DACH2: variants seen among roughly 807,000 people sequenced by gnomAD.
The protein encoded by DACH2 is dachshund family transcription factor 2.
In DACH2, 17 loss-of-function variants were observed where a neutral mutation model predicts 35.8. That is an observed-to-expected ratio of 0.48 (90% CI 0.33 to 0.71). The LOEUF (loss-of-function observed/expected upper bound fraction) is 0.71, where lower values mean the gene tolerates loss of function less well. Ranked by LOEUF, DACH2 falls within the 30% of genes least tolerant of loss-of-function variation. The pLI, the probability that DACH2 is intolerant of heterozygous loss-of-function variation, is 0.02. For missense variants in DACH2, 469 were observed against 472.7 expected, an observed-to-expected ratio of 0.99 and a Z score of 0.07; for synonymous variants, 195 against 177.3, an observed-to-expected ratio of 1.10 and a Z score of -0.79.
intron 7 of DACH2, among the ~76,000 whole-genome samples, chrX:86,810,056 A>G (rs2042380776): frequency 8.9e-6 from 1 of 111,756 alleles, no homozygotes; most frequent in South Asian, 3.7e-4. Context: ...AGCTGTGTCT[A>G]TCTCTTTAAA....
intron 1 of DACH2, among the ~76,000 whole-genome samples, chrX:86,300,034 T>A (rs1016943983): frequency 1.4e-4 from 16 of 111,718 alleles, no homozygotes; most frequent in African/African-American, 4.9e-4. Flanking sequence ...TTTCTATGTG[T>A]TGGGAACATT....
chrX:86,159,415 TC>T (rs921387226), intron 1 of DACH2, among the ~76,000 whole-genome samples: 1 of 111,935 alleles, frequency 8.9e-6, no homozygotes, highest in African/African-American at 3.2e-5. Context: ...TATCCTGTAA[TC>T]TGCTAAACTT....
intron 2 of DACH2, among the ~76,000 whole-genome samples, chrX:86,445,448 T>C (rs1056529076): frequency 3.4e-4 from 32 of 94,298 alleles, no homozygotes; most frequent in Non-Finnish European, 5.8e-4. Flanking sequence ...GCATGGCACA[T>C]GTATACATAT....
At chrX:86,443,487 T>C (rs1041902685) in intron 2 of DACH2, among the ~76,000 whole-genome samples, 1 of 103,837 alleles carries the variant, frequency 9.6e-6, no homozygotes, top group African/African-American at 4.0e-5. Context: ...TAACTTCTAC[T>C]TTTCCAATTT....
At chrX:86,572,000 T>A (rs1318935732) in intron 3 of DACH2, among the ~76,000 whole-genome samples, 2 of 111,230 alleles carry the variant, frequency 1.8e-5, no homozygotes, top group Non-Finnish European at 3.8e-5. Flanking sequence ...ATCTTGTTGA[T>A]GCCTTTGTAA....
intron 1 of DACH2, among the ~76,000 whole-genome samples, chrX:86,220,930 T>C (rs1263228764): frequency 8.9e-6 from 1 of 112,106 alleles, no homozygotes; most frequent in Non-Finnish European, 1.9e-5. Flanking sequence ...AGGTGATATC[T>C]AATTGTGGTT....
intron 3 of DACH2, among the ~76,000 whole-genome samples, chrX:86,636,274 C>G (rs2040264455): frequency 9.0e-6 from 1 of 110,608 alleles, no homozygotes; most frequent in African/African-American, 3.3e-5. Context: ...TGGTGAAACC[C>G]CATCTCTACT....
At chrX:86,714,751 G>T (rs202179127) in intron 6 of DACH2, 31 bp downstream of exon 6, 6 of 1,090,256 alleles carry the variant, frequency 5.5e-6, no homozygotes, top group Non-Finnish European at 7.3e-6. Context: ...AAGGACAAAG[G>T]TGTCAATTTC....
At chrX:86,801,748 A>T (rs1232352533) in intron 7 of DACH2, among the ~76,000 whole-genome samples, 1 of 112,146 alleles carries the variant, frequency 8.9e-6, no homozygotes, top group Non-Finnish European at 1.9e-5. Context: ...AATTATCTTT[A>T]ATTTTTAATC....
chrX:86,662,882 A>G (rs1274084329), intron 4 of DACH2, among the ~76,000 whole-genome samples: 2 of 111,762 alleles, frequency 1.8e-5, no homozygotes, highest in Non-Finnish European at 3.8e-5. Flanking sequence ...AATATTATAT[A>G]CATACAGATT....
At chrX:86,290,498 A>G (rs2034260026) in intron 1 of DACH2, among the ~76,000 whole-genome samples, 1 of 93,721 alleles carries the variant, frequency 1.1e-5, no homozygotes, top group Non-Finnish European at 2.1e-5. Context: ...GTCCTTGCCC[A>G]TGCCTATGTC....
rs1209556054 is a variant in DACH2 at position 86,528,584 on chromosome X, G to T, written c.640+14193G>T. Among the ~76,000 whole-genome samples the T allele has an allele frequency of 2.7e-5, 3 of 111,860 alleles. No homozygotes were observed. The East Asian group carries it at 8.4e-4, about 31-fold the overall frequency. ...GTAAATGGATAAATAAATGGGAAGA[G>T]ATATTACCCTTAAACTGTCTGAAAT... On this transcript the variant is annotated intron_variant, in intron 3 of 11. Coordinates refer to ENST00000373125, the MANE Select transcript of DACH2 (RefSeq NM_053281.3).
intron 7 of DACH2, among the ~76,000 whole-genome samples, chrX:86,740,964 TA>T (rs1453821586): frequency 4.5e-5 from 5 of 111,508 alleles, no homozygotes; most frequent in Admixed American, 9.6e-5. Context: ...TCATTTAGTA[TA>T]TAGTAATTAC....
chrX:86,565,385 C>A (rs1230113050), intron 3 of DACH2, among the ~76,000 whole-genome samples: 1 of 111,431 alleles, frequency 9.0e-6, no homozygotes, highest in African/African-American at 3.3e-5. Context: ...GGTCCCCGGA[C>A]CATCAGCATT....
At chrX:86,805,582 C>A (rs1395676404) in intron 7 of DACH2, among the ~76,000 whole-genome samples, 2 of 110,903 alleles carry the variant, frequency 1.8e-5, no homozygotes, top group African/African-American at 6.6e-5. Flanking sequence ...CTACACATGA[C>A]CAGGCTGCAA....
chrX:86,406,207 C>T (rs2148137876), intron 2 of DACH2, among the ~76,000 whole-genome samples: 1 of 112,056 alleles, frequency 8.9e-6, no homozygotes, highest in African/African-American at 3.2e-5. Flanking sequence ...ACTATGTAGT[C>T]ATGAAAAAGA....
intron 1 of DACH2, among the ~76,000 whole-genome samples, chrX:86,321,173 T>A (rs1313619024): frequency 9.0e-6 from 1 of 111,553 alleles, no homozygotes; most frequent in African/African-American, 3.3e-5. Flanking sequence ...GAAGAGGGTC[T>A]TAGTGCCTTC....
At chrX:86,407,338 T>C (rs1194251872) in intron 2 of DACH2, among the ~76,000 whole-genome samples, 1 of 111,990 alleles carries the variant, frequency 8.9e-6, no homozygotes, top group Non-Finnish European at 1.9e-5. Context: ...ACACTGTTAC[T>C]TTTTTATGAG....
At chrX:86,799,860 C>A (rs966553044) in intron 7 of DACH2, among the ~76,000 whole-genome samples, 2 of 111,399 alleles carry the variant, frequency 1.8e-5, no homozygotes, top group African/African-American at 6.5e-5. Context: ...TCAGATGTAG[C>A]TCATCTTTTT....
Sources: allele counts gnomAD v4.1 joint callset (sites outside exome capture counted in the v4.1 genomes callset), GRCh38; gene constraint gnomAD v4.1.1; transcripts MANE v1.5; gene names NCBI Gene and HGNC (gene_info 2026-07-23, HGNC 2026-07-21).